TNNI3K: variants seen among roughly 807,000 people sequenced by gnomAD.
TNNI3K encodes serine/threonine-protein kinase TNNI3K.
In TNNI3K, 140 loss-of-function variants were observed where a neutral mutation model predicts 114.5. The observed-to-expected ratio is 1.22, with a 90% confidence interval of 1.07 to 1.41. The LOEUF is 1.41. Among genes scored for constraint, TNNI3K ranks in the 40% most tolerant of loss-of-function variants. TNNI3K has a pLI of 0.00. For synonymous variants in TNNI3K, 347 were observed against 347.5 expected, an observed-to-expected ratio of 1.00 and a Z score of 0.02; for missense variants, 1,125 against 1,007.6, an observed-to-expected ratio of 1.12 and a Z score of -1.58.
At chr1:74,374,289 A>G (rs182997471) in intron 17 of TNNI3K, 130 of 152,044 alleles carry the variant, frequency 8.6e-4, no homozygotes, top group African/African-American at 2.7e-3. Flanking sequence ...AAATGATGAT[A>G]ATGATAATAC....
At chr1:74,377,155 C>T (rs1008090863) in intron 17 of TNNI3K, 1 of 151,954 alleles carries the variant, frequency 6.6e-6, no homozygotes, top group Non-Finnish European at 1.5e-5. Flanking sequence ...GATCATTTGC[C>T]GTATAACTTC....
At chr1:74,326,091 G>A (rs908522274) in intron 5 of TNNI3K, among the ~76,000 whole-genome samples, 3 of 152,046 alleles carry the variant, frequency 2.0e-5, no homozygotes, top group African/African-American at 7.2e-5. Flanking sequence ...GTATAAGCAT[G>A]AATTTGAAGA....
chr1:74,318,219 G>C (rs567451420), intron 5 of TNNI3K, among the ~76,000 whole-genome samples: 4 of 152,302 alleles, frequency 2.6e-5, no homozygotes, highest in Admixed American at 1.3e-4. Flanking sequence ...GATTGTCTCA[G>C]GTAAGAGTAA....
rs758046211 is a variant in TNNI3K, at chr1:74,369,604, G to A, written c.1667+19G>A. 3.8e-6 allele frequency: 6 copies of A among 1,578,190 alleles called. No individual in the cohort carries two copies. Among genetic ancestry groups the A allele is most frequent in the Non-Finnish European group, 4.3e-6 (5 of 1,164,544 alleles). ...AGAAGAGGTATGGGTCTTTTGTTCT[G>A]ATTTATCCTTGGACATTCCGTAGAA... is the stretch of plus-strand genomic sequence containing the variant. On this transcript the variant is annotated intron_variant, in intron 16 of 24. Transcript: ENST00000326637.
intron 23 of TNNI3K, among the ~76,000 whole-genome samples, chr1:74,538,641 G>A (rs1301321584): frequency 6.6e-6 from 1 of 152,128 alleles, no homozygotes; most frequent in Non-Finnish European, 1.5e-5. Flanking sequence ...TCAGAATGGT[G>A]GTCAGGATCT....
At chr1:74,422,864 T>C (rs1428822220) in intron 17 of TNNI3K, among the ~76,000 whole-genome samples, 1 of 152,120 alleles carries the variant, frequency 6.6e-6, no homozygotes, top group Non-Finnish European at 1.5e-5. Flanking sequence ...CGTAGACATC[T>C]TTAGAATACT....
intron 22 of TNNI3K, among the ~76,000 whole-genome samples, chr1:74,490,333 C>T (rs1669002188): frequency 6.6e-6 from 1 of 152,176 alleles, no homozygotes; most frequent in African/African-American, 2.4e-5. Context: ...CTGCCAGAAG[C>T]CTTGGGTATT....
chr1:74,401,057 GT>G (rs1664334054), intron 17 of TNNI3K, among the ~76,000 whole-genome samples: 1 of 152,192 alleles, frequency 6.6e-6, no homozygotes, highest in African/African-American at 2.4e-5. Context: ...ACTTTTCAAA[GT>G]TGACAATGAG....
chr1:74,276,753 T>G (rs1656710713), intron 5 of TNNI3K, among the ~76,000 whole-genome samples: 1 of 152,140 alleles, frequency 6.6e-6, no homozygotes, highest in Non-Finnish European at 1.5e-5. Context: ...TCCATTAGTG[T>G]CTCAAGTGTG....
At chr1:74,532,523 G>C (rs1469545326) in intron 23 of TNNI3K, among the ~76,000 whole-genome samples, 1 of 151,410 alleles carries the variant, frequency 6.6e-6, no homozygotes, top group Non-Finnish European at 1.5e-5. Flanking sequence ...TGTGCACAAT[G>C]TGCAGGTTAG....
chr1:74,442,227 T>C (rs1666405726), intron 20 of TNNI3K, among the ~76,000 whole-genome samples: 1 of 152,022 alleles, frequency 6.6e-6, no homozygotes, highest in Non-Finnish European at 1.5e-5. Flanking sequence ...AAAACTACTA[T>C]CCTTTCTTAT....
At chr1:74,423,424 A>C (rs1357228004) in intron 17 of TNNI3K, among the ~76,000 whole-genome samples, 1 of 152,148 alleles carries the variant, frequency 6.6e-6, no homozygotes, top group Non-Finnish European at 1.5e-5. Context: ...ATTTAACTTG[A>C]TTTAAATCAT....
intron 2 of TNNI3K, among the ~76,000 whole-genome samples, chr1:74,242,040 G>A (rs961153372): frequency 4.0e-5 from 6 of 151,598 alleles, no homozygotes; most frequent in Non-Finnish European, 7.4e-5. Flanking sequence ...TAGTAGAGAC[G>A]GGGTTTCACT....
intron 17 of TNNI3K, among the ~76,000 whole-genome samples, chr1:74,425,608 T>C (rs996899630): frequency 4.6e-5 from 7 of 152,152 alleles, no homozygotes. Context: ...GTTTGTTGGT[T>C]ACCAATAACT....
chr1:74,337,452 T>A (rs1395167228), intron 7 of TNNI3K, among the ~76,000 whole-genome samples: 1 of 152,098 alleles, frequency 6.6e-6, no homozygotes, highest in African/African-American at 2.4e-5. Context: ...TGGTAATGCC[T>A]AGGTTTTCTT....
At position 74,393,691 on chromosome 1, in the gene TNNI3K, G is replaced by C. The variant is rs572887691; in HGVS notation, c.1772+23299G>C. ...CTTTTTGGCACCAGGGAGCAGTTTT[G>C]TGGAAGACAATTTTTCCACAGAAGG... On this transcript the variant is annotated intron_variant, in intron 17 of 24. Transcript: ENST00000326637. Among the ~76,000 whole-genome samples, 369 of 152,234 alleles carry C rather than the reference G, an allele frequency of 2.4e-3. 1 individual carries two copies. The highest frequency in any genetic ancestry group is 0.014 in the Middle Eastern group (4 of 294).
chr1:74,485,209 A>C (rs946834516), intron 21 of TNNI3K, among the ~76,000 whole-genome samples: 2 of 152,226 alleles, frequency 1.3e-5, no homozygotes, highest in Admixed American at 6.5e-5. Context: ...TGGATGCTTT[A>C]AGAAGGATGT....
chr1:74,367,864 A>C, intron 12 of TNNI3K, 44 bp from the exon 13 acceptor site: 1 of 1,530,426 alleles, frequency 6.5e-7, no homozygotes, highest in Admixed American at 2.2e-5. Flanking sequence ...ATGTAGAAAA[A>C]AATGATCGCT....
intron 21 of TNNI3K, among the ~76,000 whole-genome samples, chr1:74,485,605 A>G (rs891142937): frequency 4.6e-5 from 7 of 152,184 alleles, no homozygotes; most frequent in Non-Finnish European, 7.3e-5. Context: ...TATTACTCCC[A>G]TGATTATGTT....
Sources: allele counts gnomAD v4.1 joint callset (sites outside exome capture counted in the v4.1 genomes callset), GRCh38; gene constraint gnomAD v4.1.1; transcripts MANE v1.5; gene names NCBI Gene and HGNC (gene_info 2026-07-23, HGNC 2026-07-21).